The following RNLS variants were observed in gnomAD, a reference collection of about 807,000 sequenced individuals.
The protein encoded by RNLS is renalase.
A neutral mutation model predicts 39.8 loss-of-function variants in RNLS; 39 were observed. That is an observed-to-expected ratio of 0.98 (90% confidence interval 0.76 to 1.28). The LOEUF (loss-of-function observed/expected upper bound fraction) is 1.28. Among genes scored for constraint, RNLS ranks in the 50% most tolerant of loss-of-function variants. The probability of loss-of-function intolerance (pLI) is 0.00; values close to 1 mark genes in which losing one functional copy is unlikely to be tolerated. For missense variants in RNLS, 410 were observed against 413.3 expected (o/e 0.99, Z 0.07); for synonymous variants, 147 against 150.7 (o/e 0.98, Z 0.18).
At chr10:88,523,999 C>A (rs1846924446) in intron 4 of RNLS, among the ~76,000 whole-genome samples, 1 of 152,126 alleles carries the variant, frequency 6.6e-6, no homozygotes. Context: ...CTGGAATGTA[C>A]TGTTGACTGT....
In RNLS at chr10:88,490,197, G is replaced by C. The variant is rs533314649; in HGVS notation, c.526+82706C>G. On this transcript the variant is annotated intron_variant, in intron 4 of 6. Transcript: ENST00000331772. ...AGCAAAACATTACCTTTTAGAAGCT[G>C]AATCAGTGAAATTAATTTGCAGTGC... Among the ~76,000 whole-genome samples the C allele has an allele frequency of 2.6e-5, 4 of 152,256 alleles. 1 individual carries two copies. Among genetic ancestry groups the C allele is most frequent in the African/African-American group, 4.8e-5 (2 of 41,550 alleles).
At chr10:88,446,449 A>AG (rs1315239496) in intron 4 of RNLS, among the ~76,000 whole-genome samples, 1 of 152,222 alleles carries the variant, frequency 6.6e-6, no homozygotes, top group Non-Finnish European at 1.5e-5. Context: ...GCAGAAGGCA[A>AG]GAAATAACTA....
At chr10:88,508,932 C>A (rs564204676) in intron 4 of RNLS, among the ~76,000 whole-genome samples, 2 of 152,030 alleles carry the variant, frequency 1.3e-5, no homozygotes, top group East Asian at 3.9e-4. Flanking sequence ...AAAGGCACTG[C>A]ACATTTTTCC....
At chr10:88,242,793 CA>C in the RNLS span, among the ~76,000 whole-genome samples, 1 of 152,002 alleles carries the variant, frequency 6.6e-6, no homozygotes. Context: ...ACTAAAAATA[CA>C]AAATTAGCCA....
intron 3 of RNLS, among the ~76,000 whole-genome samples, chr10:88,575,185 A>T (rs1338151974): frequency 9.0e-6 from 1 of 110,606 alleles, no homozygotes; most frequent in East Asian, 2.7e-4. Flanking sequence ...CACACATATT[A>T]TATATATATA....
intron 4 of RNLS, among the ~76,000 whole-genome samples, chr10:88,418,182 A>ATT (rs1854157272): frequency 2.6e-5 from 4 of 151,516 alleles, no homozygotes; most frequent in Non-Finnish European, 5.9e-5. Flanking sequence ...TTTTTACTGC[A>ATT]TGCCTATATG....
At chr10:88,575,421 T>C (rs542091636) in intron 3 of RNLS, among the ~76,000 whole-genome samples, 2 of 151,746 alleles carry the variant, frequency 1.3e-5, no homozygotes, top group East Asian at 3.9e-4. Context: ...GCAATCCATG[T>C]TTAACAAGCT....
At chr10:88,380,883 A>G (rs1564750214) in intron 4 of RNLS, among the ~76,000 whole-genome samples, 1 of 152,168 alleles carries the variant, frequency 6.6e-6, no homozygotes, top group Non-Finnish European at 1.5e-5. Context: ...TCTCTGTACC[A>G]TTTATTTAAA....
the RNLS span, among the ~76,000 whole-genome samples, chr10:88,238,918 A>G: frequency 1.3e-5 from 2 of 152,170 alleles, no homozygotes; most frequent in Non-Finnish European, 2.9e-5. Flanking sequence ...GGAAGCCAAG[A>G]CAGCCTCCCT....
At chr10:88,315,963 A>G (rs1845734143) in intron 5 of RNLS, among the ~76,000 whole-genome samples, 1 of 152,152 alleles carries the variant, frequency 6.6e-6, no homozygotes, top group Non-Finnish European at 1.5e-5. Flanking sequence ...AGTGTTGCCT[A>G]AATTATAGGT....
chr10:88,299,850 T>C (rs1046794249), intron 6 of RNLS, among the ~76,000 whole-genome samples: 3 of 152,250 alleles, frequency 2.0e-5, no homozygotes, highest in Non-Finnish European at 2.9e-5. Flanking sequence ...GGAACATTGA[T>C]TTCCTCATTT....
At chr10:88,395,377 C>T (rs1852497253) in intron 4 of RNLS, among the ~76,000 whole-genome samples, 1 of 151,568 alleles carries the variant, frequency 6.6e-6, no homozygotes, top group South Asian at 2.1e-4. Flanking sequence ...AATGATTTTG[C>T]ATCAAATAGA....
chr10:88,567,682 C>A (rs1849587795), intron 4 of RNLS, among the ~76,000 whole-genome samples: 1 of 152,044 alleles, frequency 6.6e-6, no homozygotes, highest in Admixed American at 6.6e-5. Flanking sequence ...AATAAATATT[C>A]CAATTTCTTC....
At chr10:88,324,655 C>T (rs192106883) in intron 5 of RNLS, among the ~76,000 whole-genome samples, 66 of 152,190 alleles carry the variant, frequency 4.3e-4, no homozygotes, top group African/African-American at 1.5e-3. Context: ...GAAGCCCAAA[C>T]GCCAGCATTA....
At chr10:88,411,621 G>C (rs891730891) in intron 4 of RNLS, among the ~76,000 whole-genome samples, 8 of 151,716 alleles carry the variant, frequency 5.3e-5, no homozygotes, top group Admixed American at 5.3e-4. Context: ...GAACATACTA[G>C]GTTTCAGGCT....
intron 4 of RNLS, among the ~76,000 whole-genome samples, chr10:88,504,725 C>T (rs1050894853): frequency 1.3e-5 from 2 of 151,890 alleles, no homozygotes; most frequent in Non-Finnish European, 2.9e-5. Context: ...ATTCGAAGAA[C>T]AATAATTGTA....
chr10:88,434,635 G>A (rs946873541), intron 4 of RNLS, among the ~76,000 whole-genome samples: 1 of 152,076 alleles, frequency 6.6e-6, no homozygotes, highest in African/African-American at 2.4e-5. Flanking sequence ...TGGATAAAAC[G>A]AGCCATTGTA....
At chr10:88,289,589 C>A (rs1044426160) in intron 6 of RNLS, among the ~76,000 whole-genome samples, 4 of 152,082 alleles carry the variant, frequency 2.6e-5, no homozygotes, top group African/African-American at 9.7e-5. Flanking sequence ...GATGTCCATG[C>A]CTGTCTCCTC....
At chr10:88,520,879 G>T (rs1340187763) in intron 4 of RNLS, among the ~76,000 whole-genome samples, 1 of 151,914 alleles carries the variant, frequency 6.6e-6, no homozygotes, top group Non-Finnish European at 1.5e-5. Context: ...CCCCTTCTAT[G>T]AATCTGTTCT....
Sources: allele counts gnomAD v4.1 joint callset (sites outside exome capture counted in the v4.1 genomes callset), GRCh38; gene constraint gnomAD v4.1.1; transcripts MANE v1.5; gene names NCBI Gene and HGNC (gene_info 2026-07-23, HGNC 2026-07-21).